The following GRIFIN variants were observed in gnomAD, a reference collection of about 807,000 sequenced individuals.
The protein encoded by GRIFIN is putative grifin.
In GRIFIN, 22 loss-of-function variants were observed where a neutral mutation model predicts 18.2. The observed-to-expected ratio is 1.21, with a 90% confidence interval of 0.86 to 1.73. The LOEUF (loss-of-function observed/expected upper bound fraction) is 1.73, where lower values mean the gene tolerates loss of function less well. Ranked by LOEUF, GRIFIN falls within the 40% of genes most tolerant of loss-of-function variation. The probability of loss-of-function intolerance (pLI) is 0.00; values close to 1 mark genes in which losing one functional copy is unlikely to be tolerated. For missense variants in GRIFIN, 200 were observed against 190.1 expected (o/e 1.05, Z -0.31); for synonymous variants, 101 against 82.8 (o/e 1.22, Z -1.19).
At chr7:2,474,923 G>C in intron 4 of GRIFIN, 38 bp from the exon 5 acceptor site, 1 of 611,552 alleles carries the variant, frequency 1.6e-6, no homozygotes, top group South Asian at 2.0e-5. Context: ...CTCCTGCCCT[G>C]CCCATGCACA....
chr7:2,474,806 G>A lies in GRIFIN; in HGVS notation c.*64C>T. ...GACCCCCTCACCCAGCTGCCCCAGG[G>A]TGGGACTCCAGGTACCCTGGACATG... On this transcript the variant is annotated 3_prime_UTR_variant, in exon 5 of 5. Transcript: ENST00000614228. The A allele has an allele frequency of 2.1e-6, 1 of 466,696 alleles. No homozygotes were observed. Among genetic ancestry groups the A allele is most frequent in the Admixed American group, 3.6e-5 (1 of 28,116 alleles). The allele number at this position is 466,696 out of a possible 1,614,324, so 28.9% of individuals were successfully genotyped here.
intron 4 of GRIFIN, 106 bp downstream of exon 4, chr7:2,475,035 C>T: frequency 7.4e-7 from 1 of 1,342,616 alleles, no homozygotes; most frequent in South Asian, 1.4e-5. Flanking sequence ...AACCCCTCCC[C>T]AGGCGGAGGA....
chr7:2,476,080 T>C, intron 1 of GRIFIN, 81 bp from the exon 2 acceptor site: 1 of 951,354 alleles, frequency 1.1e-6, no homozygotes, highest in Non-Finnish European at 1.5e-6. Flanking sequence ...CTATCCCATC[T>C]GTCCAGGAAG....
chr7:2,475,201 C>G lies in GRIFIN; in HGVS notation c.359G>C (p.Arg120Pro), dbSNP rs760952502. The change falls in exon 4 of 5, where the codon CGC becomes CCC. Residue 120 changes from arginine to proline, a missense_variant. Coordinates refer to ENST00000614228, the MANE Select transcript of GRIFIN (RefSeq NM_001394787.1). The part of the protein sequence containing the change: ...QRPLGATTRV[R>P]VLSDHCLAQV... ...GGCCAGGCAGTGGTCACTCAGCACG[C>G]GCACCCTGGTGGTGGCGCCCAGCGG... 1 of 1,595,296 alleles carries G rather than the reference C, an allele frequency of 6.3e-7. No individual in the cohort carries two copies. Among genetic ancestry groups the G allele is most frequent in the Non-Finnish European group, 8.5e-7 (1 of 1,178,316 alleles).
chr7:2,476,329 G>A, intron 1 of GRIFIN, 43 bp downstream of exon 1: 1 of 1,551,460 alleles, frequency 6.4e-7, no homozygotes, highest in Non-Finnish European at 8.7e-7. Context: ...GGAGCCCCCA[G>A]CCCTGCACCG....
rs1194569709 is a variant in GRIFIN at position 2,475,324 on chromosome 7, C to G, written c.253-17G>C. On this transcript the variant is annotated splice_polypyrimidine_tract_variant and intron_variant, in intron 3 of 4. Transcript: ENST00000614228. ...GACCTCTATCTGGGCAGGCTGGGGC[C>G]AGTGACCTCAGTGCCAGCCCCCAGG... is the stretch of plus-strand genomic sequence containing the variant. 1.9e-6 allele frequency: 3 copies of G among 1,580,706 alleles called. No individual in the cohort carries two copies. Among genetic ancestry groups the G allele is most frequent in the East Asian group, 4.6e-5 (2 of 43,890 alleles).
chr7:2,474,881 G>T lies in GRIFIN; in HGVS notation c.424C>A (p.Arg142=). 8 of 556,442 alleles carry T rather than the reference G, an allele frequency of 1.4e-5. No individual in the cohort carries two copies. The highest frequency in any genetic ancestry group is 5.7e-5 in the East Asian group (2 of 35,380). 34.5% of individuals were successfully genotyped at this position (556,442 alleles called of 1,614,324 possible). A position where few individuals can be genotyped will look rare whatever the true frequency, so the allele number is the denominator to read the frequency against. ...LAKRGLSWGD[R]GY is the part of the protein sequence containing the mutation. ...GGTGCAGGTGTCACTCAGTAGCCCC[G>T]GTCCCTGCAAACATCCAAGGCACGT... is the stretch of plus-strand genomic sequence containing the variant. Residue 142 remains arginine (R), a synonymous_variant, in exon 5 of 5, where the codon CGG becomes AGG. Transcript: ENST00000614228.
In GRIFIN at chr7:2,475,888, A is replaced by T. The variant is rs375293536; in HGVS notation, c.92+32T>A. 6.3e-6 allele frequency: 10 copies of T among 1,593,222 alleles called. No homozygotes were observed. The African/African-American group carries it at 1.3e-4, about 21-fold the overall frequency. ...AGAGCTGGGCCGGCCACCCAGCCCAAGGCCCAGCGAGGGGAGGGCGGTGCC... is the reference window on the plus strand; with the variant it reads ...AGAGCTGGGCCGGCCACCCAGCCCATGGCCCAGCGAGGGGAGGGCGGTGCC... On this transcript the variant is annotated intron_variant, in intron 2 of 4. Coordinates refer to ENST00000614228, the MANE Select transcript of GRIFIN (RefSeq NM_001394787.1).
rs374754661 is a variant in GRIFIN at position 2,475,773 on chromosome 7, G to A, written c.148C>T (p.Arg50Trp). Residue 50 changes from arginine to tryptophan, a missense_variant, in exon 3 of 5, where the codon CGG (arginine) becomes TGG (tryptophan). Transcript: ENST00000614228. Reference sequence around the variant, plus strand: ...CCCACCACAGTGGCGCTGGAGAACCGGGGCTTGATGTGGAAGGCAATGTCC... The same window carrying A: ...CCCACCACAGTGGCGCTGGAGAACCAGGGCTTGATGTGGAAGGCAATGTCC... ...TGDIAFHIKPRFSSATVVGNA... is the reference protein window; with the variant it reads ...TGDIAFHIKPWFSSATVVGNA... 2.5e-5 allele frequency: 39 copies of A among 1,571,578 alleles called. No individual in the cohort carries two copies. The African/African-American group carries it at 4.0e-4, about 16-fold the overall frequency.
At position 2,475,914 on chromosome 7, in the gene GRIFIN, G is replaced by A. The variant is rs140755712; in HGVS notation, c.92+6C>T. 14,664 of 1,597,640 alleles carry A rather than the reference G, an allele frequency of 9.2e-3. 100 individuals are homozygous for A. Among genetic ancestry groups the A allele is most frequent in the Non-Finnish European group, 0.011 (12,941 of 1,179,244 alleles). On this transcript the variant is annotated splice_donor_region_variant and intron_variant, in intron 2 of 4. Coordinates refer to ENST00000614228, the MANE Select transcript of GRIFIN (RefSeq NM_001394787.1). ...GGCCCAGCGAGGGGAGGGCGGTGCC[G>A]CTGACCTGTCCTCTCCAGAGTCAGC...
chr7:2,475,430 T>C, intron 3 of GRIFIN, 123 bp from the exon 4 acceptor site: 3 of 1,335,300 alleles, frequency 2.2e-6, no homozygotes, highest in Non-Finnish European at 3.0e-6. Flanking sequence ...GCCCCGGGGG[T>C]CCCTTGGCTT....
Position 2,475,234 on chromosome 7 carries a change from C to T in GRIFIN, c.326G>A (p.Arg109His), listed in dbSNP as rs1024356199. The T allele has an allele frequency of 1.2e-5, 19 of 1,597,108 alleles. No homozygotes were observed. Among genetic ancestry groups the T allele is most frequent in the Non-Finnish European group, 1.4e-5 (17 of 1,179,052 alleles). Residue 109 changes from arginine to histidine, a missense_variant, in exon 4 of 5, where the codon CGT becomes CAT. Physicochemically the swap from Arg to His is conservative, Grantham distance 29. Coordinates refer to ENST00000614228, the MANE Select transcript of GRIFIN (RefSeq NM_001394787.1). ...PEHKVLQFPC[R>H]QRPLGATTRV... ...GGTGGTGGCGCCCAGCGGCCTCTGA[C>T]GGCATGGGAACTGTAGCACCTTGTG...
At chr7:2,475,375 C>G in intron 3 of GRIFIN, 68 bp from the exon 4 acceptor site, 2 of 1,501,158 alleles carry the variant, frequency 1.3e-6, no homozygotes, top group Non-Finnish European at 1.8e-6. Context: ...CCGCTTTTAA[C>G]GGTGATGTGC....
chr7:2,475,266 G>C lies in GRIFIN; in HGVS notation c.294C>G (p.Ala98=). 1 of 1,596,914 alleles carries C rather than the reference G, an allele frequency of 6.3e-7. No homozygotes were observed. Among genetic ancestry groups the C allele is most frequent in the Non-Finnish European group, 8.5e-7 (1 of 1,178,986 alleles). Residue 98 remains alanine, a synonymous_variant, in exon 4 of 5, where the codon GCC becomes GCG. Transcript: ENST00000614228. The part of the protein sequence containing the change: ...SWDAEHFHVY[A]PEHKVLQFPC... Reference sequence around the variant, plus strand: ...GGAACTGTAGCACCTTGTGCTCCGGGGCGTAGACGTGGAAGTGCTCCGCGT... The same window carrying C: ...GGAACTGTAGCACCTTGTGCTCCGGCGCGTAGACGTGGAAGTGCTCCGCGT...
In GRIFIN at chr7:2,475,952, C is replaced by G; in HGVS notation, c.60G>C (p.Leu20=). ...CTCCAGAGTCAGCATGTCCCTGGAC[C>G]AGCAGCTTCCAGCCGGGGGCCAGGC... ...AGGLAPGWKL[L]VQGHADSGED... is the part of the protein sequence containing the mutation. The change falls in exon 2 of 5, where the codon CTG becomes CTC. Residue 20 remains leucine, a synonymous_variant. Coordinates refer to ENST00000614228, the MANE Select transcript of GRIFIN (RefSeq NM_001394787.1). The G allele has an allele frequency of 6.3e-7, 1 of 1,598,296 alleles. No individual in the cohort carries two copies. The highest frequency in any genetic ancestry group is 8.5e-7 in the Non-Finnish European group (1 of 1,179,674).
chr7:2,474,731 C>A lies in GRIFIN; in HGVS notation c.*139G>T, dbSNP rs1201062271. The A allele has an allele frequency of 4.9e-6, 2 of 407,068 alleles. No individual in the cohort carries two copies. Among genetic ancestry groups the A allele is most frequent in the Non-Finnish European group, 8.7e-6 (2 of 231,050 alleles). The allele number at this position is 407,068 out of a possible 1,614,324, so 25.2% of individuals were successfully genotyped here. The stretch of plus-strand genomic sequence containing the variant: ...CCCCTAGCAGCCAAACGCCTGCAGC[C>A]TTCTCAGAGTTTATTGAAGGTGGAG... On this transcript the variant is annotated 3_prime_UTR_variant, in exon 5 of 5. Transcript: ENST00000614228.
In GRIFIN at chr7:2,475,742, G is replaced by A; in HGVS notation, c.179C>T (p.Ala60Val). 6.4e-7 allele frequency: 1 copy of A among 1,565,094 alleles called. No homozygotes were observed. The highest frequency in any genetic ancestry group is 8.6e-7 in the Non-Finnish European group (1 of 1,160,530). The change falls in exon 3 of 5, where the codon GCC (alanine) becomes GTC (valine). Residue 60 changes from alanine (A) to valine (V), a missense_variant. Transcript: ENST00000614228. ...CGGGCCCCAGCGGCCGTACTGGAAG[G>A]CATTGCCCACCACAGTGGCGCTGGA... ...RFSSATVVGN[A>V]FQYGRWGPEQ...
intron 3 of GRIFIN, 138 bp from the exon 4 acceptor site, chr7:2,475,445 C>G (rs1778942781): frequency 1.2e-5 from 15 of 1,270,638 alleles, no homozygotes; most frequent in Non-Finnish European, 1.6e-5. Flanking sequence ...TGGCTTGGAG[C>G]CCCCAGCCCA....
chr7:2,476,336 ACCGTTCTCCTTCT>A, intron 1 of GRIFIN, 23 bp downstream of exon 1: 1 of 1,558,650 alleles, frequency 6.4e-7, no homozygotes, highest in Non-Finnish European at 8.6e-7. Context: ...CCAGCCCTGC[ACCGTTCTCCTTCT>A]CCAGGTCCAG....
Sources: allele counts gnomAD v4.1 joint callset, GRCh38; gene constraint gnomAD v4.1.1; transcripts MANE v1.5; gene names NCBI Gene and HGNC (gene_info 2026-07-23, HGNC 2026-07-21).